C1orf35: variants seen among roughly 807,000 people sequenced by gnomAD.
C1orf35 encodes chromosome 1 open reading frame 35, also known as multiple myeloma tumor-associated protein 2.
C1orf35 carries 36 observed loss-of-function variants against 30.9 expected under a neutral mutation model. The ratio of observed to expected loss-of-function variants is 1.16; its 90% CI spans 0.89 to 1.54. C1orf35 has a LOEUF of 1.54. Among genes scored for constraint, C1orf35 ranks in the 40% most tolerant of loss-of-function variants. C1orf35 has a pLI of 0.00. For synonymous variants in C1orf35, 179 were observed against 148.2 expected, an observed-to-expected ratio of 1.21 and a Z score of -1.51; for missense variants, 396 against 358.7, an observed-to-expected ratio of 1.10 and a Z score of -0.84.
Position 228,101,357 on chromosome 1 carries a change from G to A in C1orf35, c.650C>T (p.Ser217Phe), listed in dbSNP as rs2124863888. The change falls in exon 7 of 8, where the codon TCT becomes TTT. Residue 217 changes from serine (S) to phenylalanine (F), a missense_variant. Ser to Phe is a radical substitution (Grantham distance 155). Coordinates refer to ENST00000272139, the MANE Select transcript of C1orf35 (RefSeq NM_024319.4). Reference sequence around the variant, plus strand: ...GGCATACCTCTCAGGAGATGTGGGAGAGGAGGTGGCCTCAGCTGGCCGCCT... The same window carrying A: ...GGCATACCTCTCAGGAGATGTGGGAAAGGAGGTGGCCTCAGCTGGCCGCCT... ...EHRRPAEATS[S>F]PTSPERPRHH... 2 of 1,614,150 alleles carry A rather than the reference G, an allele frequency of 1.2e-6. No individual in the cohort carries two copies. The highest frequency in any genetic ancestry group is 1.1e-5 in the South Asian group (1 of 91,086).
At position 228,102,069 on chromosome 1, in the gene C1orf35, C is replaced by A; in HGVS notation, c.533+11G>T. The stretch of plus-strand genomic sequence containing the variant: ...CCCGGGGCACAGCTAGCCCAGGTGG[C>A]ACAGCCTCACCTGCTTTCCGTCTGA... On this transcript the variant is annotated intron_variant, in intron 6 of 7. Transcript: ENST00000272139. 1 of 1,555,836 alleles carries A rather than the reference C, an allele frequency of 6.4e-7. No individual in the cohort carries two copies. The highest frequency in any genetic ancestry group is 1.2e-5 in the South Asian group (1 of 84,900).
rs1402546663 is a variant in C1orf35 at position 228,103,288 on chromosome 1, A to G, written c.-61T>C. 3.2e-6 allele frequency: 5 copies of G among 1,571,598 alleles called. No homozygotes were observed. In the East Asian group the frequency reaches 1.2e-4, roughly 37 times the overall value. ...TGCAACCTGCAACCCGCAACCCGAG[A>G]CCCGCTACCCACTACCGTCGGACCC... On this transcript the variant is annotated 5_prime_UTR_variant, in exon 1 of 8. Transcript: ENST00000272139.
rs758884169 is a variant in C1orf35 at position 228,101,390 on chromosome 1, TTGTC to T, written c.613_616del (p.Asp205LysfsTer71). The T allele has an allele frequency of 1.2e-6, 2 of 1,614,072 alleles. No homozygotes were observed. Among genetic ancestry groups the T allele is most frequent in the South Asian group, 1.1e-5 (1 of 91,082 alleles). ...GGCCTCAGCTGGCCGCCTGTGCTCT[TTGTC>T]TTTCTTCTTCTTCTCTTTCTTGTGT... On this transcript the variant is annotated frameshift_variant, in exon 7 of 8. Coordinates refer to ENST00000272139, the MANE Select transcript of C1orf35 (RefSeq NM_024319.4). LOFTEE classifies it high-confidence loss of function.
chr1:228,101,557 G>A (rs544378303), intron 6 of C1orf35, 84 bp from the exon 7 acceptor site: 27 of 1,572,884 alleles, frequency 1.7e-5, no homozygotes, highest in Non-Finnish European at 2.3e-5. Flanking sequence ...TCCAGATGAA[G>A]CCACCACCCA....
At chr1:228,101,983 G>A (rs750895668) in intron 6 of C1orf35, 97 bp downstream of exon 6, 253 of 1,429,576 alleles carry the variant, frequency 1.8e-4, no homozygotes, top group Non-Finnish European at 2.1e-4. Context: ...GGGCCGGTGC[G>A]CCAAGAGAAG....
Position 228,101,488 on chromosome 1 carries a change from CA to C in C1orf35, c.534-16del. On this transcript the variant is annotated splice_polypyrimidine_tract_variant and intron_variant, in intron 6 of 7. Coordinates refer to ENST00000272139, the MANE Select transcript of C1orf35 (RefSeq NM_024319.4). ...GGCTCTCACAACTACAAGGAGGATA[CA>C]AGGTGTGCCTCAGACCCTAGTCTTG... is the stretch of plus-strand genomic sequence containing the variant. 6.2e-7 allele frequency: 1 copy of C among 1,610,534 alleles called. No individual in the cohort carries two copies.
At position 228,103,024 on chromosome 1, in the gene C1orf35, G is replaced by A; in HGVS notation, c.120C>T (p.Gly40=). ...TGAGGTCGCGGCCCTTCTGCCAGCG[G>A]CCTACCGGCGCCATCAGCGAGTTGC... is the stretch of plus-strand genomic sequence containing the variant. ...YLGNSLMAPV[G]RWQKGRDLTW... Residue 40 remains glycine, a synonymous_variant, in exon 2 of 8, where the codon GGC becomes GGT. Coordinates refer to ENST00000272139, the MANE Select transcript of C1orf35 (RefSeq NM_024319.4). 1 of 1,587,306 alleles carries A rather than the reference G, an allele frequency of 6.3e-7. No homozygotes were observed.
Position 228,103,175 on chromosome 1 carries a change from CA to C in C1orf35, c.52del (p.Trp18GlyfsTer4), listed in dbSNP as rs749922862. On this transcript the variant is annotated frameshift_variant, in exon 1 of 8. Transcript: ENST00000272139. LOFTEE classifies it high-confidence loss of function. ...GVRGGQDQFN[W>X]EDVKTDKQRE... ...CTGCTTGTCAGTCTTCACGTCCTCCCAGTTGAACTGGTCCTGCCCGCCGCGC... is the reference window on the plus strand; with the variant it reads ...CTGCTTGTCAGTCTTCACGTCCTCCCGTTGAACTGGTCCTGCCCGCCGCGC... The C allele has an allele frequency of 1.9e-5, 30 of 1,612,134 alleles. No homozygotes were observed. The highest frequency in any genetic ancestry group is 2.5e-5 in the Non-Finnish European group (30 of 1,179,574).
In C1orf35 at chr1:228,101,421, T is replaced by C; in HGVS notation, c.586A>G (p.Lys196Glu). Residue 196 changes from lysine (K) to glutamate (E), a missense_variant, in exon 7 of 8, where the codon AAA becomes GAA. Lys to Glu is a moderately conservative substitution (Grantham distance 56). Coordinates refer to ENST00000272139, the MANE Select transcript of C1orf35 (RefSeq NM_024319.4). ...KKEKKKKKKRKHKKEKKKKDK... is the reference protein window; with the variant it reads ...KKEKKKKKKREHKKEKKKKDK... The stretch of plus-strand genomic sequence containing the variant: ...TTCTTCTTCTTCTCTTTCTTGTGTT[T>C]CCTCTTTTTCTTTTTCTTCTTCTCC... 2 of 1,613,856 alleles carry C rather than the reference T, an allele frequency of 1.2e-6. No individual in the cohort carries two copies. Among genetic ancestry groups the C allele is most frequent in the Non-Finnish European group, 1.7e-6 (2 of 1,179,966 alleles).
At position 228,102,142 on chromosome 1, in the gene C1orf35, C is replaced by T. The variant is rs1128456; in HGVS notation, c.471G>A (p.Gly157=). Residue 157 remains glycine, a synonymous_variant, in exon 6 of 8, where the codon GGG becomes GGA. Coordinates refer to ENST00000272139, the MANE Select transcript of C1orf35 (RefSeq NM_024319.4). ...VFTHHRVESG[G]PGTSAASARR... ...TGGCCGAGGCTGCCGAGGTCCCGGG[C>T]CCGCCGCTCTCTACGCGGTGATGCT... The T allele has an allele frequency of 0.15, 244,587 of 1,579,252 alleles. 21,009 individuals are homozygous for T. The highest frequency in any genetic ancestry group is 0.18 in the Non-Finnish European group (210,277 of 1,170,058).
In C1orf35 at chr1:228,103,252, G is replaced by T; in HGVS notation, c.-25C>A. 6.2e-7 allele frequency: 1 copy of T among 1,607,038 alleles called. No individual in the cohort carries two copies. The highest frequency in any genetic ancestry group is 8.5e-7 in the Non-Finnish European group (1 of 1,177,976). On this transcript the variant is annotated 5_prime_UTR_variant, in exon 1 of 8. Transcript: ENST00000272139. The stretch of plus-strand genomic sequence containing the variant: ...TGGCGCCGGGAAGGCAGTTGCCTGG[G>T]GCCTGCGGCTTGCAACCTGCAACCC...
rs553048285 is a variant in C1orf35, at chr1:228,101,993, G to A, written c.533+87C>T. 4 of 1,432,076 alleles carry A rather than the reference G, an allele frequency of 2.8e-6. No homozygotes were observed. The South Asian group carries it at 4.4e-5, about 16-fold the overall frequency. The allele number at this position is 1,432,076 out of a possible 1,614,324, so 88.7% of individuals were successfully genotyped here. A position where few individuals can be genotyped will look rare whatever the true frequency, so the allele number is the denominator to read the frequency against. ...CCGCCGGGCCGGTGCGCCAAGAGAAGCTGCCACCTGCCCGAGTGGGAGCCG... is the reference window on the plus strand; with the variant it reads ...CCGCCGGGCCGGTGCGCCAAGAGAAACTGCCACCTGCCCGAGTGGGAGCCG... On this transcript the variant is annotated intron_variant, in intron 6 of 7. Coordinates refer to ENST00000272139, the MANE Select transcript of C1orf35 (RefSeq NM_024319.4).
chr1:228,100,962 G>A lies in C1orf35; in HGVS notation c.*169C>T. ...CTGGAGGTTTTCCAGGAAGCCGGCTGCTCCAGAGCTAGCTGTCAAGTCTTT... is the reference window on the plus strand; with the variant it reads ...CTGGAGGTTTTCCAGGAAGCCGGCTACTCCAGAGCTAGCTGTCAAGTCTTT... On this transcript the variant is annotated 3_prime_UTR_variant, in exon 8 of 8. Coordinates refer to ENST00000272139, the MANE Select transcript of C1orf35 (RefSeq NM_024319.4). 3.0e-6 allele frequency: 3 copies of A among 1,016,308 alleles called. No individual in the cohort carries two copies. Among genetic ancestry groups the A allele is most frequent in the Non-Finnish European group, 4.3e-6 (3 of 704,778 alleles). 63.0% of individuals were successfully genotyped at this position (1,016,308 alleles called of 1,614,324 possible).
chr1:228,102,269 C>G (rs769453961), intron 5 of C1orf35, 41 bp downstream of exon 5: 12 of 1,601,376 alleles, frequency 7.5e-6, no homozygotes, highest in South Asian at 1.1e-5. Flanking sequence ...CCGCCCCACC[C>G]CTGTTAGCCC....
chr1:228,100,815 C>T lies in C1orf35; in HGVS notation c.*316G>A. On this transcript the variant is annotated 3_prime_UTR_variant, in exon 8 of 8. Transcript: ENST00000272139. ...ACCATACTTGGCCACAGTTAGACCG[C>T]TCATAGGCCCATGGCTGCTGCAACC... The T allele has an allele frequency of 2.5e-6, 1 of 405,452 alleles. No individual in the cohort carries two copies. Among genetic ancestry groups the T allele is most frequent in the Non-Finnish European group, 4.5e-6 (1 of 221,720 alleles). The allele number at this position is 405,452 out of a possible 1,614,324, so 25.1% of individuals were successfully genotyped here.
rs188245153 is a variant in C1orf35 at position 228,101,317 on chromosome 1, G to A, written c.668+22C>T. 335 of 1,614,184 alleles carry A rather than the reference G, an allele frequency of 2.1e-4. 1 individual carries two copies. In the African/African-American group the frequency reaches 4.2e-3, roughly 20 times the overall value. ...TCAACCAGGCCCCCACCCCCAAGAG[G>A]CAGATATGGACCAGGGCATACCTCT... On this transcript the variant is annotated intron_variant, in intron 7 of 7. Transcript: ENST00000272139.
At position 228,102,037 on chromosome 1, in the gene C1orf35, C is replaced by T. The variant is rs764490059; in HGVS notation, c.533+43G>A. ...GGAGCCGCTCCGGTCCTCCCGAGAC[C>T]CCCCACCCCGGGGCACAGCTAGCCC... is the stretch of plus-strand genomic sequence containing the variant. On this transcript the variant is annotated intron_variant, in intron 6 of 7. Coordinates refer to ENST00000272139, the MANE Select transcript of C1orf35 (RefSeq NM_024319.4). 5 of 1,489,466 alleles carry T rather than the reference C, an allele frequency of 3.4e-6. No individual in the cohort carries two copies. In the South Asian group the frequency reaches 5.2e-5, roughly 15 times the overall value. 92.3% of individuals were successfully genotyped at this position (1,489,466 alleles called of 1,614,324 possible). A position where few individuals can be genotyped will look rare whatever the true frequency, so the allele number is the denominator to read the frequency against.
rs780453442 is a variant in C1orf35 at position 228,102,691 on chromosome 1, G to A, written c.246-3C>T. 8 of 1,606,226 alleles carry A rather than the reference G, an allele frequency of 5.0e-6. No individual in the cohort carries two copies. The South Asian group carries it at 5.5e-5, about 11-fold the overall frequency. On this transcript the variant is annotated splice_polypyrimidine_tract_variant and splice_region_variant and intron_variant, in intron 2 of 7. Transcript: ENST00000272139. ...GCTTCTTCACGTTCTTGTAGCCACT[G>A]CGAGAGGGCCGGGGCAGGCGTCAGG...
At chr1:228,102,233 G>C in intron 5 of C1orf35, 68 bp from the exon 6 acceptor site, 2 of 1,569,320 alleles carry the variant, frequency 1.3e-6, no homozygotes, top group Admixed American at 1.8e-5. Context: ...GCAGCGCCCC[G>C]GGGAGCTCCG....
Sources: allele counts gnomAD v4.1 joint callset, GRCh38; gene constraint gnomAD v4.1.1; transcripts MANE v1.5; gene names NCBI Gene and HGNC (gene_info 2026-07-23, HGNC 2026-07-21).